The following USP28 variants were observed in gnomAD, a reference collection of about 807,000 sequenced individuals.
USP28 encodes the protein ubiquitin carboxyl-terminal hydrolase 28.
Under a neutral mutation model 145.0 loss-of-function variants are expected in USP28, and 113 were observed. That is an observed-to-expected ratio of 0.78 (90% CI 0.67 to 0.91). USP28 has a LOEUF of 0.91. USP28 is among the 40% of genes least tolerant of loss of function. The probability of loss-of-function intolerance (pLI) is 0.00; values close to 1 mark genes in which losing one functional copy is unlikely to be tolerated. For missense variants in USP28, 1,201 were observed against 1,289.6 expected (o/e 0.93, Z 1.05); for synonymous variants, 447 against 450.9 (o/e 0.99, Z 0.11).
intron 1 of USP28, among the ~76,000 whole-genome samples, chr11:113,871,546 TCTC>T (rs1948820349): frequency 6.6e-6 from 1 of 152,060 alleles, no homozygotes; most frequent in Non-Finnish European, 1.5e-5. Context: ...ACAATCAAAG[TCTC>T]CAGACATTGC....
At chr11:113,840,539 G>T in intron 5 of USP28, 59 bp downstream of exon 5, 2 of 1,563,890 alleles carry the variant, frequency 1.3e-6, no homozygotes, top group Admixed American at 1.9e-5. Flanking sequence ...CTACATTTCA[G>T]TTTAATAAAT....
At chr11:113,867,539 TTA>T (rs1379952198) in intron 1 of USP28, among the ~76,000 whole-genome samples, 1 of 151,938 alleles carries the variant, frequency 6.6e-6, no homozygotes, top group Non-Finnish European at 1.5e-5. Context: ...TAAAATAATT[TTA>T]TGTTATATAA....
At chr11:113,807,468 A>C (rs1940206433) in intron 18 of USP28, among the ~76,000 whole-genome samples, 1 of 152,192 alleles carries the variant, frequency 6.6e-6, no homozygotes, top group South Asian at 2.1e-4. Flanking sequence ...GTGCAACTGA[A>C]GAGGAGACAG....
intron 5 of USP28, among the ~76,000 whole-genome samples, chr11:113,835,971 G>A (rs557896673): frequency 4.6e-5 from 7 of 152,090 alleles, no homozygotes; most frequent in Non-Finnish European, 7.4e-5. Context: ...CCAGCTGCTC[G>A]GGAGGCTGAG....
intron 3 of USP28, among the ~76,000 whole-genome samples, chr11:113,845,122 A>C (rs1945675015): frequency 6.6e-6 from 1 of 151,070 alleles, no homozygotes. Flanking sequence ...TTCTCAAAAA[A>C]AAAAAAAAAA....
intron 8 of USP28, 25 bp from the exon 9 acceptor site, chr11:113,830,968 T>G (rs1943910750): frequency 6.2e-7 from 1 of 1,610,726 alleles, no homozygotes; most frequent in African/African-American, 1.4e-5. Flanking sequence ...AGGAGACAAT[T>G]CTGGATTGTT....
At chr11:113,835,237 C>T in intron 5 of USP28, 1 of 452,056 alleles carries the variant, frequency 2.2e-6, no homozygotes, top group Non-Finnish European at 4.4e-6. Flanking sequence ...TTAAAAATAT[C>T]TCCTGTATGA....
intron 23 of USP28, 148 bp downstream of exon 24, chr11:113,803,010 G>T: frequency 1.2e-6 from 1 of 842,218 alleles, no homozygotes; most frequent in Non-Finnish European, 1.7e-6. Flanking sequence ...AAAAAAACCT[G>T]TTCCAATGTA....
At chr11:113,841,613 T>C in intron 4 of USP28, 50 bp downstream of exon 4, 1 of 1,219,480 alleles carries the variant, frequency 8.2e-7, no homozygotes, top group Non-Finnish European at 1.2e-6. Flanking sequence ...CTGTTGCCTT[T>C]GAGATACACA....
chr11:113,852,341 T>G (rs1011295469), intron 3 of USP28, among the ~76,000 whole-genome samples, 160 bp downstream of exon 3: 21 of 152,248 alleles, frequency 1.4e-4, no homozygotes, highest in African/African-American at 5.1e-4. Context: ...ACTTTTTACG[T>G]GCTTAGAATT....
At position 113,834,260 on chromosome 11, in the gene USP28, G is replaced by A. The variant is rs770378434; in HGVS notation, c.610C>T (p.Arg204Ter). The change falls in exon 6 of 25, where the codon CGA becomes TGA. Residue 204 changes from arginine to a stop codon, truncating the protein, a stop_gained. Transcript: ENST00000003302. LOFTEE classifies it high-confidence loss of function. ...TGACACCAACTTACTGTATGACTTC[G>A]ACAATTTTCAAGTACATTTTGTGGC... 4.3e-6 allele frequency: 7 copies of A among 1,610,996 alleles called. No homozygotes were observed. Among genetic ancestry groups the A allele is most frequent in the East Asian group, 2.2e-5 (1 of 44,746 alleles).
Position 113,815,063 on chromosome 11 carries a change from A to G in USP28, c.1672+111T>C, listed in dbSNP as rs111933825. The G allele has an allele frequency of 1.9e-3, 1,850 of 958,862 alleles. 28 individuals carry two copies. In the African/African-American group the frequency reaches 0.028, roughly 15 times the overall value. 59.4% of individuals were successfully genotyped at this position (958,862 alleles called of 1,614,324 possible). On this transcript the variant is annotated intron_variant, in intron 14 of 24. Transcript: ENST00000003302. Reference sequence around the variant, plus strand: ...TGAGACTCCATCTCGGCGGGGGGGAAATTCTGTAGCATGTACAGTAATGTC... The same window carrying G: ...TGAGACTCCATCTCGGCGGGGGGGAGATTCTGTAGCATGTACAGTAATGTC...
At position 113,872,440 on chromosome 11, in the gene USP28, TCG is replaced by T. The variant is rs532258652; in HGVS notation, c.57+3003_57+3004del. On this transcript the variant is annotated intron_variant, in intron 1 of 24. Coordinates refer to ENST00000003302, the Ensembl canonical transcript of USP28. ...GGGCGGAGCTTGCAGTGAGCAGAGA[TCG>T]CGCCACTGCACTTCAGCCTGGGCAA... Among the ~76,000 whole-genome samples the T allele has an allele frequency of 3.8e-4, 57 of 150,088 alleles. No homozygotes were observed. In the South Asian group the frequency reaches 0.012, roughly 30 times the overall value.
chr11:113,848,031 A>C (rs575580938), intron 3 of USP28, among the ~76,000 whole-genome samples: 1 of 152,242 alleles, frequency 6.6e-6, no homozygotes, highest in Non-Finnish European at 1.5e-5. Context: ...TGAAAGGCAG[A>C]TGGGAAAAGT....
chr11:113,823,124 T>A (rs191963139), intron 12 of USP28, among the ~76,000 whole-genome samples: 1 of 152,286 alleles, frequency 6.6e-6, no homozygotes, highest in Admixed American at 6.5e-5. Context: ...ATCAAAAAAG[T>A]GAAAATTCCT....
At chr11:113,860,929 T>A (rs889987836) in intron 1 of USP28, among the ~76,000 whole-genome samples, 2 of 151,278 alleles carry the variant, frequency 1.3e-5, no homozygotes, top group African/African-American at 4.9e-5. Context: ...CCATCCTGGC[T>A]AACACAGTGA....
intron 3 of USP28, among the ~76,000 whole-genome samples, chr11:113,847,631 T>C (rs1307783775): frequency 1.3e-5 from 2 of 152,156 alleles, no homozygotes; most frequent in African/African-American, 4.8e-5. Context: ...TTACTGATGA[T>C]ATTAAGGGAT....
intron 2 of USP28, 146 bp downstream of exon 2, chr11:113,854,112 G>A (rs1946779641): frequency 1.5e-6 from 1 of 671,866 alleles, no homozygotes; most frequent in East Asian, 2.7e-5. Context: ...TTTACATGTT[G>A]AAGACATTGG....
rs1331021366 is a variant in USP28 at position 113,866,432 on chromosome 11, C to T, written c.57+9013G>A. Reference sequence around the variant, plus strand: ...ATATAAAAAACTCTCTTTGAACTCCCTTTAAGTCAACAACCAAAAAACGAG... The same window carrying T: ...ATATAAAAAACTCTCTTTGAACTCCTTTTAAGTCAACAACCAAAAAACGAG... On this transcript the variant is annotated intron_variant, in intron 1 of 24. Coordinates refer to ENST00000003302, the Ensembl canonical transcript of USP28. Among the ~76,000 whole-genome samples the T allele has an allele frequency of 6.0e-4, 92 of 152,166 alleles. 1 individual carries two copies. The highest frequency in any genetic ancestry group is 2.9e-5 in the Non-Finnish European group (2 of 68,032).
Sources: gnomAD v4.1 joint callset for allele counts (sites outside exome capture counted in the v4.1 genomes callset) on GRCh38, gnomAD v4.1.1 for gene constraint, MANE v1.5 for transcripts, NCBI Gene and HGNC (gene_info 2026-07-23, HGNC 2026-07-21) for gene names.